NEK5: variants seen among roughly 807,000 people sequenced by gnomAD.
NEK5 encodes the protein serine/threonine-protein kinase Nek5.
Under a neutral mutation model 109.2 loss-of-function variants are expected in NEK5, and 88 were observed. The observed-to-expected ratio is 0.81, with a 90% CI of 0.68 to 0.96. The LOEUF is 0.96. Ranked by LOEUF, NEK5 falls within the 40% of genes least tolerant of loss-of-function variation. NEK5 has a pLI of 0.00. For missense variants in NEK5, 834 were observed against 920.7 expected (o/e 0.91, Z 1.22); for synonymous variants, 283 against 299.9 (o/e 0.94, Z 0.58).
chr13:52,110,679 C>T (rs762964010), intron 5 of NEK5, 102 bp from the exon 6 acceptor site: 3 of 656,898 alleles, frequency 4.6e-6, no homozygotes, highest in African/African-American at 1.8e-5. Context: ...CACACACACA[C>T]ACACATACAC....
At chr13:52,095,258 G>T (rs1445438290) in intron 12 of NEK5, among the ~76,000 whole-genome samples, 1 of 148,508 alleles carries the variant, frequency 6.7e-6, no homozygotes, top group Non-Finnish European at 1.5e-5. Flanking sequence ...TTTAAAACAA[G>T]AAGTAGTTTT....
chr13:52,077,140 G>A (rs1270737812), intron 17 of NEK5, among the ~76,000 whole-genome samples: 1 of 152,112 alleles, frequency 6.6e-6, no homozygotes, highest in Non-Finnish European at 1.5e-5. Context: ...GGAACAGTGG[G>A]GTAAAGGCTC....
chr13:52,110,570 C>T lies in NEK5; in HGVS notation c.320G>A (p.Gly107Asp). The T allele has an allele frequency of 6.2e-7, 1 of 1,607,076 alleles. No homozygotes were observed. The highest frequency in any genetic ancestry group is 2.2e-5 in the East Asian group (1 of 44,754). Residue 107 changes from glycine (G) to aspartate (D), a missense_variant, in exon 6 of 24, where the codon GGT (glycine) becomes GAT (aspartate). Coordinates refer to ENST00000684899, the MANE Select transcript of NEK5 (RefSeq NM_001365552.1). ...GVLFSEDQIL[G>D]WFVQISLGLK... Reference sequence around the variant, plus strand: ...TCCTAGAGAAATCTGTACAAACCAACCGAGGATCTATAGAGAGAACACAAA... The same window carrying T: ...TCCTAGAGAAATCTGTACAAACCAATCGAGGATCTATAGAGAGAACACAAA...
At chr13:52,128,078 A>G (rs1956103653) in intron 1 of NEK5, among the ~76,000 whole-genome samples, 1 of 152,148 alleles carries the variant, frequency 6.6e-6, no homozygotes, top group African/African-American at 2.4e-5. Context: ...CCGCGGCCCT[A>G]CAATCTTGGA....
intron 11 of NEK5, among the ~76,000 whole-genome samples, chr13:52,101,637 C>T (rs1377188672): frequency 1.3e-5 from 2 of 152,258 alleles, no homozygotes; most frequent in South Asian, 2.1e-4. Context: ...CCCTTCACTA[C>T]ACAAAAGTTA....
At chr13:52,084,762 AGTGT>A (rs368429926) in intron 16 of NEK5, among the ~76,000 whole-genome samples, 1,334 of 46,930 alleles carry the variant, frequency 0.028, 8 homozygotes, top group African/African-American at 0.046. Flanking sequence ...AGAGAGAGAG[AGTGT>A]GTGTGTGTGT....
intron 3 of NEK5, among the ~76,000 whole-genome samples, chr13:52,124,462 T>C (rs1956027387): frequency 6.6e-6 from 1 of 152,220 alleles, no homozygotes; most frequent in South Asian, 2.1e-4. Context: ...AACATTGAAA[T>C]TTTCCCATGT....
intron 20 of NEK5, among the ~76,000 whole-genome samples, chr13:52,068,888 T>C (rs1954736157): frequency 1.3e-5 from 2 of 151,782 alleles, no homozygotes; most frequent in Admixed American, 1.3e-4. Context: ...GGAGAATCGC[T>C]TGAACCCAGG....
chr13:52,061,421 A>G (rs1167922955), intron 22 of NEK5, among the ~76,000 whole-genome samples: 2 of 152,200 alleles, frequency 1.3e-5, no homozygotes, highest in African/African-American at 4.8e-5. Context: ...GAATCTTGCT[A>G]AAAATTGGAG....
In NEK5 at chr13:52,110,542, T is replaced by C. The variant is rs1166103677; in HGVS notation, c.348A>G (p.Leu116=). ...LGWFVQISLG[L]KHIHDRKILH... ...ATATCTTCCTGTCATGAATATGTTT[T>C]AGTCCTAGAGAAATCTGTACAAACC... is the stretch of plus-strand genomic sequence containing the variant. Residue 116 remains leucine (L), a synonymous_variant, in exon 6 of 24, where the codon CTA becomes CTG. Coordinates refer to ENST00000684899, the MANE Select transcript of NEK5 (RefSeq NM_001365552.1). 2 of 1,612,668 alleles carry C rather than the reference T, an allele frequency of 1.2e-6. No homozygotes were observed. The highest frequency in any genetic ancestry group is 2.2e-5 in the South Asian group (2 of 91,004).
At chr13:52,075,638 C>A in intron 19 of NEK5, 120 bp downstream of exon 19, 1 of 680,024 alleles carries the variant, frequency 1.5e-6, no homozygotes, top group South Asian at 1.8e-5. Flanking sequence ...CCACCTGAAT[C>A]TAAAATAAAA....
At chr13:52,096,286 G>A (rs1955414025) in intron 12 of NEK5, among the ~76,000 whole-genome samples, 1 of 152,172 alleles carries the variant, frequency 6.6e-6, no homozygotes, top group Non-Finnish European at 1.5e-5. Flanking sequence ...AGTGACTTTG[G>A]AACTGGGTAA....
chr13:52,087,412 G>C lies in NEK5; in HGVS notation c.1318C>G (p.Gln440Glu), dbSNP rs1955171143. The C allele has an allele frequency of 2.5e-6, 4 of 1,611,590 alleles. No homozygotes were observed. The highest frequency in any genetic ancestry group is 3.4e-6 in the Non-Finnish European group (4 of 1,178,154). ...SSAEPNYNQR[Q>E]ELRSNGEEPR... ...TCTTCTCCATTACTTCTTAGCTCTTGTCTCTGGTTGTAATTTGGCTCGGCA... is the reference window on the plus strand; with the variant it reads ...TCTTCTCCATTACTTCTTAGCTCTTCTCTCTGGTTGTAATTTGGCTCGGCA... Residue 440 changes from glutamine to glutamate, a missense_variant, in exon 15 of 24, where the codon CAA (glutamine) becomes GAA (glutamate). Around this residue, in one of 2 missense-constraint regions of NEK5, gnomAD observed 777 missense variants for 824.7 expected, o/e 0.94. Transcript: ENST00000684899.
chr13:52,127,423 T>C lies in NEK5; in HGVS notation c.60A>G (p.Leu20=), dbSNP rs200219633. 573 of 1,613,394 alleles carry C rather than the reference T, an allele frequency of 3.6e-4. 1 individual carries two copies. Among genetic ancestry groups the C allele is most frequent in the Non-Finnish European group, 8.8e-5 (104 of 1,179,270 alleles). The change falls in exon 3 of 24, where the codon TTA becomes TTG. Residue 20 remains leucine (L), a synonymous_variant. Coordinates refer to ENST00000684899, the MANE Select transcript of NEK5 (RefSeq NM_001365552.1). ...IGQGAFGKAY[L]AKGKSDSKHC... is the part of the protein sequence containing the mutation. ...GCTTGCTATCTGATTTCCCTTTAGC[T>C]AAGTATGCTTTCCCGAAGGCACCTT...
At chr13:52,101,911 T>C in intron 11 of NEK5, 22 bp downstream of exon 11, 1 of 1,593,694 alleles carries the variant, frequency 6.3e-7, no homozygotes, top group Non-Finnish European at 8.6e-7. Flanking sequence ...TACTTTTGAT[T>C]GCATGCCAAA....
At chr13:52,105,600 G>C (rs1022243514) in intron 8 of NEK5, among the ~76,000 whole-genome samples, 2 of 151,938 alleles carry the variant, frequency 1.3e-5, no homozygotes, top group East Asian at 1.9e-4. Context: ...TCTTTACTAG[G>C]GCTTCCACAG....
chr13:52,115,477 C>T (rs1345331580), intron 4 of NEK5, among the ~76,000 whole-genome samples: 2 of 150,844 alleles, frequency 1.3e-5, no homozygotes, highest in African/African-American at 4.9e-5. Flanking sequence ...TGGTGGCGGG[C>T]GCCTGTAATC....
At position 52,037,173 on chromosome 13, in the gene NEK5, T is replaced by C. The variant is rs938228332; in HGVS notation, c.2274A>G (p.Glu758=). ...SEDELRDEVV[E]YLEKLATFKG... ...TGAAAGTAGCGAGTTTTTCTAAGTA[T>C]TCTACTACTTCATCTCTCAACTCAT... Residue 758 remains glutamate (E), a synonymous_variant, in exon 24 of 24, where the codon GAA becomes GAG. Coordinates refer to ENST00000684899, the MANE Select transcript of NEK5 (RefSeq NM_001365552.1). 21 of 984,930 alleles carry C rather than the reference T, an allele frequency of 2.1e-5. No homozygotes were observed. The African/African-American group carries it at 2.6e-4, about 12-fold the overall frequency. The allele number at this position is 984,930 out of a possible 1,614,324, so 61.0% of individuals were successfully genotyped here.
chr13:52,089,271 A>C lies in NEK5; in HGVS notation c.1251T>G (p.Tyr417Ter), dbSNP rs1357565729. The C allele has an allele frequency of 1.9e-6, 3 of 1,605,528 alleles. No homozygotes were observed. The highest frequency in any genetic ancestry group is 1.7e-6 in the Non-Finnish European group (2 of 1,172,518). ...YLQRKFEAQQ[Y>*]KLKVEKQLGL... ...CCAATTGCTTCTCCACTTTCAACTT[A>C]TATTGTTGAGCTTCAAATTTTCTCT... The change falls in exon 14 of 24, where the codon TAT becomes TAG. Residue 417 changes from tyrosine to a stop codon, truncating the protein, a stop_gained. Transcript: ENST00000684899. LOFTEE classifies it high-confidence loss of function.
Sources: gnomAD v4.1 joint callset for allele counts (sites outside exome capture counted in the v4.1 genomes callset) on GRCh38, gnomAD v4.1.1 for gene constraint, gnomAD v4.1.1 regional missense constraint, MANE v1.5 for transcripts, NCBI Gene and HGNC (gene_info 2026-07-23, HGNC 2026-07-21) for gene names.